The following L3MBTL4 variants were observed in gnomAD, a reference collection of about 807,000 sequenced individuals.
L3MBTL4 encodes lethal(3)malignant brain tumor-like protein 4.
L3MBTL4 carries 70 observed loss-of-function variants against 84.5 expected under a neutral mutation model. The observed-to-expected ratio is 0.83, with a 90% CI of 0.68 to 1.01. The LOEUF (loss-of-function observed/expected upper bound fraction) is 1.01, where lower values mean the gene tolerates loss of function less well. Among genes scored for constraint, L3MBTL4 ranks in the 50% least tolerant of loss-of-function variants. The pLI is 0.00. For missense variants in L3MBTL4, 715 were observed against 754.8 expected, an observed-to-expected ratio of 0.95 and a Z score of 0.62; for synonymous variants, 274 against 259.8, an observed-to-expected ratio of 1.05 and a Z score of -0.52.
intron 3 of L3MBTL4, among the ~76,000 whole-genome samples, chr18:6,305,118 G>A (rs1243275335): frequency 6.6e-6 from 1 of 152,160 alleles, no homozygotes; most frequent in African/African-American, 2.4e-5. Context: ...ACACACGAAA[G>A]ATTATATTGT....
intron 14 of L3MBTL4, among the ~76,000 whole-genome samples, chr18:6,125,307 G>A (rs376739009): frequency 1.3e-5 from 2 of 152,200 alleles, no homozygotes; most frequent in South Asian, 2.1e-4. Flanking sequence ...ATATGTACAA[G>A]TTATGTTATA....
intron 17 of L3MBTL4, among the ~76,000 whole-genome samples, chr18:5,961,458 G>C (rs933964615): frequency 6.6e-6 from 1 of 152,228 alleles, no homozygotes; most frequent in African/African-American, 2.4e-5. Context: ...AATGTGAAGA[G>C]TTCAGAATAT....
chr18:6,135,388 C>A (rs1164991094), intron 14 of L3MBTL4, among the ~76,000 whole-genome samples: 1 of 152,260 alleles, frequency 6.6e-6, no homozygotes, highest in Non-Finnish European at 1.5e-5. Context: ...TTGAATTTCT[C>A]CTCAAAAAAT....
chr18:6,338,177 A>G (rs764371680), intron 1 of L3MBTL4, among the ~76,000 whole-genome samples: 1 of 152,000 alleles, frequency 6.6e-6, no homozygotes, highest in Non-Finnish European at 1.5e-5. Context: ...GGAGAAGGAG[A>G]AAGAGGAGGA....
chr18:5,958,045 AG>A (rs2144604382), intron 18 of L3MBTL4, among the ~76,000 whole-genome samples: 1 of 121,848 alleles, frequency 8.2e-6, no homozygotes, highest in Admixed American at 8.0e-5. Context: ...GAGGAGGAGG[AG>A]AAGGAGAAGG....
intron 14 of L3MBTL4, among the ~76,000 whole-genome samples, chr18:6,131,851 C>T (rs2059888926): frequency 6.6e-6 from 1 of 152,086 alleles, no homozygotes; most frequent in African/African-American, 2.4e-5. Flanking sequence ...TAGACTATGA[C>T]AGCAGTAAAA....
intron 12 of L3MBTL4, among the ~76,000 whole-genome samples, chr18:6,194,738 G>A (rs747072845): frequency 1.3e-5 from 2 of 152,174 alleles, no homozygotes; most frequent in Non-Finnish European, 2.9e-5. Flanking sequence ...GTACAGACAA[G>A]AAACCAGCAA....
chr18:6,314,635 G>A (rs2051002213), intron 1 of L3MBTL4, among the ~76,000 whole-genome samples: 1 of 152,142 alleles, frequency 6.6e-6, no homozygotes, highest in Non-Finnish European at 1.5e-5. Flanking sequence ...TCCTCTAAAT[G>A]AGTTTAATTT....
intron 1 of L3MBTL4, chr18:6,395,711 T>C (rs1335594418): frequency 2.0e-5 from 3 of 152,230 alleles, no homozygotes; most frequent in Non-Finnish European, 4.4e-5. Context: ...AAAATGGAGA[T>C]GCAGCTAGCA....
chr18:6,317,583 CT>C (rs1415994600), intron 1 of L3MBTL4, among the ~76,000 whole-genome samples: 1 of 152,124 alleles, frequency 6.6e-6, no homozygotes, highest in African/African-American at 2.4e-5. Context: ...AATGAACAAA[CT>C]CTCCAGGGAA....
At chr18:6,265,824 C>T (rs939999218) in intron 4 of L3MBTL4, among the ~76,000 whole-genome samples, 3 of 152,082 alleles carry the variant, frequency 2.0e-5, no homozygotes, top group Non-Finnish European at 4.4e-5. Flanking sequence ...ACAAAGGAAT[C>T]GGGAATGGGG....
chr18:6,234,737 A>C (rs2047144666), intron 10 of L3MBTL4, among the ~76,000 whole-genome samples: 1 of 152,224 alleles, frequency 6.6e-6, no homozygotes, highest in Admixed American at 6.5e-5. Context: ...AACTAGTTCA[A>C]CCATTGTGGA....
intron 13 of L3MBTL4, among the ~76,000 whole-genome samples, chr18:6,149,951 T>C (rs1285316026): frequency 1.3e-5 from 2 of 152,184 alleles, no homozygotes; most frequent in East Asian, 1.9e-4. Context: ...ATAACGTGTA[T>C]ACTCCTAAGT....
rs533074462 is a variant in L3MBTL4, at chr18:5,966,070, C to T, written c.1614+3323G>A. Among the ~76,000 whole-genome samples the T allele has an allele frequency of 3.3e-5, 5 of 152,288 alleles. No individual in the cohort carries two copies. In the South Asian group the frequency reaches 1.0e-3, roughly 32 times the overall value. ...GGGGCTCTCATCTTCCTAACAGCTT[C>T]TCTTTCTCTGGTCCTCCTTCTGAGA... On this transcript the variant is annotated intron_variant, in intron 17 of 18. Transcript: ENST00000317931.
chr18:6,057,665 A>G (rs1404784150), intron 16 of L3MBTL4, among the ~76,000 whole-genome samples: 1 of 152,262 alleles, frequency 6.6e-6, no homozygotes, highest in Non-Finnish European at 1.5e-5. Context: ...ATTCAAAAAA[A>G]GAAAACAAAT....
chr18:6,403,356 A>T (rs1487127696), intron 1 of L3MBTL4, among the ~76,000 whole-genome samples: 1 of 152,192 alleles, frequency 6.6e-6, no homozygotes, highest in Non-Finnish European at 1.5e-5. Context: ...AAATGATATC[A>T]TGGAACCCAA....
intron 13 of L3MBTL4, among the ~76,000 whole-genome samples, chr18:6,160,893 T>C (rs2043309716): frequency 1.3e-5 from 2 of 152,154 alleles, no homozygotes; most frequent in Admixed American, 6.5e-5. Context: ...AGGTAATCTG[T>C]GTGTGAATAA....
At chr18:6,273,478 C>T (rs1025948972) in intron 4 of L3MBTL4, among the ~76,000 whole-genome samples, 5 of 144,914 alleles carry the variant, frequency 3.5e-5, no homozygotes, top group Non-Finnish European at 7.5e-5. Flanking sequence ...TCAACTAGGA[C>T]TGAATATAAG....
intron 16 of L3MBTL4, chr18:6,046,784 A>T (rs748246623): frequency 2.6e-6 from 2 of 768,430 alleles, no homozygotes; most frequent in Non-Finnish European, 4.8e-6. Context: ...TGACATAAAC[A>T]CTTACCTCAA....
Sources: gnomAD v4.1 joint callset for allele counts (sites outside exome capture counted in the v4.1 genomes callset) on GRCh38, gnomAD v4.1.1 for gene constraint, MANE v1.5 for transcripts, NCBI Gene and HGNC (gene_info 2026-07-23, HGNC 2026-07-21) for gene names.